Variants in MTSS1 observed in about 807,000 individuals in gnomAD.
MTSS1 encodes protein MTSS 1.
In MTSS1, 18 loss-of-function variants were observed where a neutral mutation model predicts 79.0. The observed-to-expected ratio is 0.23, with a 90% CI of 0.16 to 0.34. MTSS1 has a LOEUF of 0.34. MTSS1 is among the 10% of genes least tolerant of loss of function. MTSS1 has a pLI of 1.00. For synonymous variants in MTSS1, 341 were observed against 368.6 expected, an observed-to-expected ratio of 0.93 and a Z score of 0.86; for missense variants, 815 against 986.2, an observed-to-expected ratio of 0.83 and a Z score of 2.33.
intron 3 of MTSS1, chr8:124,673,396 A>T (rs1824657709): frequency 6.6e-6 from 1 of 152,178 alleles, no homozygotes; most frequent in African/African-American, 2.4e-5. Flanking sequence ...AAAAAAAAAA[A>T]AAAAATCACT....
chr8:124,571,929 A>G (rs551034397), intron 6 of MTSS1, among the ~76,000 whole-genome samples: 78 of 152,302 alleles, frequency 5.1e-4, no homozygotes, highest in African/African-American at 1.9e-3. Context: ...ATGCCACTGC[A>G]CTCCAGCCTG....
At chr8:124,575,712 C>T (rs2132295477) in intron 6 of MTSS1, among the ~76,000 whole-genome samples, 1 of 152,282 alleles carries the variant, frequency 6.6e-6, no homozygotes, top group East Asian at 1.9e-4. Context: ...CTTCACTGGT[C>T]CCTGGGCAAT....
intron 3 of MTSS1, among the ~76,000 whole-genome samples, chr8:124,638,816 A>C (rs1817503224): frequency 6.6e-6 from 1 of 152,192 alleles, no homozygotes; most frequent in Non-Finnish European, 1.5e-5. Flanking sequence ...GCAGAGGAGG[A>C]GGCTTTTCTT....
rs111458407 is a variant in MTSS1, at chr8:124,677,274, AC to A, written c.208+22251del. 5.5e-3 allele frequency among the ~76,000 whole-genome samples: 831 copies of A among 152,268 alleles called. 8 individuals are homozygous for A. The highest frequency in any genetic ancestry group is 0.019 in the African/African-American group (784 of 41,530). Reference sequence around the variant, plus strand: ...AAGAGGAAATATATTTTCTACCTCTACCTCCACACCCCTAGCCCTTCCCTCC... The same window carrying A: ...AAGAGGAAATATATTTTCTACCTCTACTCCACACCCCTAGCCCTTCCCTCC... On this transcript the variant is annotated intron_variant, in intron 3 of 13. Transcript: ENST00000518547.
intron 3 of MTSS1, among the ~76,000 whole-genome samples, chr8:124,665,565 TA>T (rs33940486): frequency 0.034 from 5,204 of 152,076 alleles, 288 homozygotes; most frequent in African/African-American, 0.12. Flanking sequence ...AGCCTAGCTA[TA>T]AAAAAAATCT....
chr8:124,658,406 C>A (rs1287818057), intron 3 of MTSS1, among the ~76,000 whole-genome samples: 3 of 152,182 alleles, frequency 2.0e-5, no homozygotes, highest in Non-Finnish European at 2.9e-5. Context: ...GATTGTGAGG[C>A]CTCCCCAGCC....
chr8:124,662,874 C>T (rs887291863), intron 3 of MTSS1, among the ~76,000 whole-genome samples: 4 of 152,092 alleles, frequency 2.6e-5, no homozygotes, highest in Non-Finnish European at 4.4e-5. Flanking sequence ...GTGTAATGTA[C>T]CCTTGCAGTC....
chr8:124,694,301 G>C (rs1828447381), intron 3 of MTSS1, among the ~76,000 whole-genome samples: 1 of 151,948 alleles, frequency 6.6e-6, no homozygotes, highest in Non-Finnish European at 1.5e-5. Context: ...AAGGGCCTTT[G>C]AAGAGCAGTG....
intron 1 of MTSS1, among the ~76,000 whole-genome samples, chr8:124,706,237 A>G (rs1038009783): frequency 6.6e-6 from 1 of 152,242 alleles, no homozygotes; most frequent in Non-Finnish European, 1.5e-5. Flanking sequence ...AGTTGTCTAT[A>G]AAATATTAAT....
chr8:124,588,314 G>T (rs1831225912), intron 5 of MTSS1, among the ~76,000 whole-genome samples: 2 of 152,156 alleles, frequency 1.3e-5, no homozygotes, highest in Non-Finnish European at 2.9e-5. Flanking sequence ...CTTTGTAACA[G>T]GGTTAATTTA....
At chr8:124,725,848 C>G (rs1270561927) in intron 1 of MTSS1, among the ~76,000 whole-genome samples, 1 of 152,138 alleles carries the variant, frequency 6.6e-6, no homozygotes, top group African/African-American at 2.4e-5. Context: ...TATGCATAAA[C>G]AATCTTGGAA....
intron 5 of MTSS1, among the ~76,000 whole-genome samples, chr8:124,588,107 AG>A (rs2132607515): frequency 6.6e-6 from 1 of 152,228 alleles, no homozygotes; most frequent in South Asian, 2.1e-4. Flanking sequence ...TGATGAGGGG[AG>A]GGGTGAATAA....
chr8:124,604,432 G>T (rs1011728647), intron 3 of MTSS1, among the ~76,000 whole-genome samples: 1 of 152,026 alleles, frequency 6.6e-6, no homozygotes, highest in Non-Finnish European at 1.5e-5. Context: ...TGTGAAAATA[G>T]GTTCCTTAGG....
At chr8:124,665,831 C>T (rs58243555) in intron 3 of MTSS1, among the ~76,000 whole-genome samples, 3,661 of 149,894 alleles carry the variant, frequency 0.024, 158 homozygotes, top group African/African-American at 0.085. Flanking sequence ...TGTGCCATTG[C>T]ACTCCAGCCT....
intron 1 of MTSS1, among the ~76,000 whole-genome samples, chr8:124,723,827 T>TAC (rs1444186908): frequency 6.6e-6 from 1 of 152,234 alleles, no homozygotes; most frequent in East Asian, 1.9e-4. Flanking sequence ...TGTCACCGTT[T>TAC]ATAGGGAGCA....
chr8:124,602,208 A>AT (rs936616073), intron 3 of MTSS1, among the ~76,000 whole-genome samples: 4 of 81,762 alleles, frequency 4.9e-5, no homozygotes, highest in African/African-American at 2.9e-4. Flanking sequence ...TATATATATA[A>AT]TTTTTTTTTG....
intron 3 of MTSS1, among the ~76,000 whole-genome samples, chr8:124,635,934 A>C (rs1293745697): frequency 6.6e-6 from 1 of 152,108 alleles, no homozygotes; most frequent in Non-Finnish European, 1.5e-5. Flanking sequence ...TACACCAAGC[A>C]CCTGAACGAG....
At chr8:124,651,226 C>T (rs1448508238) in intron 3 of MTSS1, among the ~76,000 whole-genome samples, 1 of 152,154 alleles carries the variant, frequency 6.6e-6, no homozygotes, top group African/African-American at 2.4e-5. Flanking sequence ...TATTAAAGCC[C>T]CATGCAACAA....
intron 1 of MTSS1, among the ~76,000 whole-genome samples, chr8:124,724,026 C>T (rs1351080316): frequency 1.3e-5 from 2 of 152,156 alleles, no homozygotes; most frequent in Non-Finnish European, 1.5e-5. Context: ...GCCCACAGGA[C>T]AAGGAGCTCT....
Sources: allele counts gnomAD v4.1 joint callset (sites outside exome capture counted in the v4.1 genomes callset), GRCh38; gene constraint gnomAD v4.1.1; transcripts MANE v1.5; gene names NCBI Gene and HGNC (gene_info 2026-07-23, HGNC 2026-07-21).